CNKSR3: variants seen among roughly 807,000 people sequenced by gnomAD.
CNKSR3 encodes CNKSR family member 3.
A neutral mutation model predicts 67.7 loss-of-function variants in CNKSR3; 36 were observed. That is an observed-to-expected ratio of 0.53 (90% CI 0.41 to 0.70). The LOEUF is 0.70. Among genes scored for constraint, CNKSR3 ranks in the 30% least tolerant of loss-of-function variants. The pLI is 0.00. For missense variants in CNKSR3, 630 were observed against 695.2 expected, an observed-to-expected ratio of 0.91 and a Z score of 1.05; for synonymous variants, 281 against 271.4, an observed-to-expected ratio of 1.04 and a Z score of -0.35.
intron 1 of CNKSR3, among the ~76,000 whole-genome samples, chr6:154,489,977 C>G (rs1454722249): frequency 6.6e-6 from 1 of 152,152 alleles, no homozygotes; most frequent in Non-Finnish European, 1.5e-5. Flanking sequence ...TCCGCCTTCC[C>G]CCACCCCAGT....
At chr6:154,485,698 G>A (rs773556687) in intron 1 of CNKSR3, among the ~76,000 whole-genome samples, 41 of 152,162 alleles carry the variant, frequency 2.7e-4, no homozygotes, top group Non-Finnish European at 5.1e-4. Context: ...TCGCTGCACA[G>A]GCAATCTAAA....
intron 10 of CNKSR3, 35 bp downstream of exon 10, chr6:154,414,264 A>G (rs961699923): frequency 4.5e-6 from 7 of 1,540,590 alleles, no homozygotes; most frequent in Admixed American, 2.2e-5. Context: ...CACCAACAGG[A>G]GACAAGCATA....
intron 7 of CNKSR3, among the ~76,000 whole-genome samples, chr6:154,427,012 G>A (rs1785270093): frequency 6.6e-6 from 1 of 152,174 alleles, no homozygotes; most frequent in South Asian, 2.1e-4. Flanking sequence ...TAAAAGCAGA[G>A]CTTCCTGTGC....
At chr6:154,483,931 A>T (rs1221931155) in intron 1 of CNKSR3, among the ~76,000 whole-genome samples, 1 of 152,248 alleles carries the variant, frequency 6.6e-6, no homozygotes, top group Non-Finnish European at 1.5e-5. Context: ...GTACTACAGA[A>T]CAGGAAAAAT....
intron 4 of CNKSR3, among the ~76,000 whole-genome samples, chr6:154,436,534 G>A (rs1328746924): frequency 1.3e-5 from 2 of 151,932 alleles, no homozygotes; most frequent in East Asian, 3.9e-4. Flanking sequence ...TTTTGTTGTT[G>A]TTAAGATACT....
chr6:154,488,714 T>C (rs114123784), intron 1 of CNKSR3, among the ~76,000 whole-genome samples: 270 of 152,264 alleles, frequency 1.8e-3, no homozygotes, highest in African/African-American at 6.2e-3. Flanking sequence ...GGATGCTAAA[T>C]TCAAAGTTAA....
At chr6:154,477,893 C>T (rs2114635139) in intron 1 of CNKSR3, among the ~76,000 whole-genome samples, 1 of 152,296 alleles carries the variant, frequency 6.6e-6, no homozygotes, top group South Asian at 2.1e-4. Context: ...TCATTCACTA[C>T]AAAGATGAGT....
chr6:154,505,664 ATT>A (rs577665314), intron 1 of CNKSR3, among the ~76,000 whole-genome samples: 302 of 150,180 alleles, frequency 2.0e-3, no homozygotes, highest in African/African-American at 7.0e-3. Flanking sequence ...CACCCGGCTA[ATT>A]TTTTTTGTAT....
chr6:154,485,841 G>A (rs908118028), intron 1 of CNKSR3, among the ~76,000 whole-genome samples: 2 of 152,200 alleles, frequency 1.3e-5, no homozygotes, highest in African/African-American at 4.8e-5. Flanking sequence ...ACTCCCAACA[G>A]TGCTTATAGG....
intron 1 of CNKSR3, among the ~76,000 whole-genome samples, chr6:154,491,635 G>C (rs545929983): frequency 1.3e-5 from 2 of 151,918 alleles, no homozygotes; most frequent in Non-Finnish European, 2.9e-5. Flanking sequence ...CAGAGAGAGA[G>C]CTATTTACTC....
At chr6:154,502,048 A>G (rs1787008260) in intron 1 of CNKSR3, among the ~76,000 whole-genome samples, 1 of 152,210 alleles carries the variant, frequency 6.6e-6, no homozygotes, top group Non-Finnish European at 1.5e-5. Flanking sequence ...CAATTACACC[A>G]CCAGTTAACT....
chr6:154,446,855 A>T (rs2128718525), intron 2 of CNKSR3, among the ~76,000 whole-genome samples: 1 of 138,982 alleles, frequency 7.2e-6, no homozygotes, highest in South Asian at 2.3e-4. Flanking sequence ...CCCAGGCTGG[A>T]GCGCAGTGGC....
At chr6:154,450,632 G>A (rs181413731) in intron 1 of CNKSR3, among the ~76,000 whole-genome samples, 28 of 152,256 alleles carry the variant, frequency 1.8e-4, no homozygotes, top group African/African-American at 6.5e-4. Flanking sequence ...GTAATCCCAG[G>A]GAGCTTGCCA....
intron 1 of CNKSR3, among the ~76,000 whole-genome samples, chr6:154,464,728 G>GAAAAAGA: frequency 6.7e-6 from 1 of 150,280 alleles, no homozygotes; most frequent in Admixed American, 6.6e-5. Context: ...AAAAAAAAAG[G>GAAAAAGA]AAAAAGAAAA....
At chr6:154,416,975 T>C (rs1450658006) in intron 9 of CNKSR3, among the ~76,000 whole-genome samples, 1 of 152,192 alleles carries the variant, frequency 6.6e-6, no homozygotes, top group African/African-American at 2.4e-5. Flanking sequence ...TCGCAGTGTC[T>C]CTTCTTAAGT....
chr6:154,486,836 CT>C (rs932351640), intron 1 of CNKSR3, among the ~76,000 whole-genome samples: 7 of 152,116 alleles, frequency 4.6e-5, no homozygotes, highest in Non-Finnish European at 1.0e-4. Flanking sequence ...AAAATTTTTA[CT>C]TTTTTAAGTT....
intron 7 of CNKSR3, among the ~76,000 whole-genome samples, chr6:154,423,239 C>T (rs566994947): frequency 7.2e-5 from 11 of 152,256 alleles, no homozygotes; most frequent in Middle Eastern, 6.8e-3. Context: ...GCTAATCTAT[C>T]GGGAAGAGAC....
intron 12 of CNKSR3, among the ~76,000 whole-genome samples, chr6:154,407,392 A>C (rs1784818152): frequency 6.6e-6 from 1 of 152,206 alleles, no homozygotes; most frequent in Admixed American, 6.5e-5. Context: ...AGAAACTTAA[A>C]ATACAGTACA....
intron 1 of CNKSR3, among the ~76,000 whole-genome samples, chr6:154,492,938 A>G (rs976640262): frequency 6.6e-6 from 1 of 151,818 alleles, no homozygotes; most frequent in African/African-American, 2.4e-5. Context: ...GAACCTGGCC[A>G]CCTCTCAATC....
Sources: allele counts gnomAD v4.1 joint callset (sites outside exome capture counted in the v4.1 genomes callset), GRCh38; gene constraint gnomAD v4.1.1; transcripts MANE v1.5; gene names NCBI Gene and HGNC (gene_info 2026-07-23, HGNC 2026-07-21).